The following SUSD6 variants were observed in gnomAD, a reference collection of about 807,000 sequenced individuals.
The protein encoded by SUSD6 is sushi domain containing 6, also known as sushi domain-containing protein 6.
In SUSD6, 16 loss-of-function variants were observed where a neutral mutation model predicts 28.4. The ratio of observed to expected loss-of-function variants is 0.56; its 90% CI spans 0.38 to 0.86. The LOEUF (loss-of-function observed/expected upper bound fraction) is 0.86. SUSD6 is among the 40% of genes least tolerant of loss of function. The pLI is 0.00. For synonymous variants in SUSD6, 147 were observed against 159.6 expected, an observed-to-expected ratio of 0.92 and a Z score of 0.59; for missense variants, 341 against 384.2, an observed-to-expected ratio of 0.89 and a Z score of 0.94.
intron 1 of SUSD6, among the ~76,000 whole-genome samples, chr14:69,633,406 C>T (rs918714129): frequency 6.6e-6 from 1 of 152,196 alleles, no homozygotes. Context: ...CCTCTCTTCC[C>T]GACCTTACCC....
At position 69,708,967 on chromosome 14, in the gene SUSD6, T is replaced by C. The variant is rs745326149; in HGVS notation, c.749T>C (p.Val250Ala). The change falls in exon 5 of 6, where the codon GTG becomes GCG. Residue 250 changes from valine (V) to alanine (A), a missense_variant. By Grantham distance (64) the Val-to-Ala change is moderately conservative (BLOSUM62 0). Transcript: ENST00000342745. ...EAWGSRASET[V>A]MVHQATTSSW... ...TGGGGCTCTCGGGCCTCAGAGACTGTGATGGTGCATCAGGCAACCACCTCT... is the reference window on the plus strand; with the variant it reads ...TGGGGCTCTCGGGCCTCAGAGACTGCGATGGTGCATCAGGCAACCACCTCT... The C allele has an allele frequency of 1.9e-6, 3 of 1,614,010 alleles. No homozygotes were observed. The highest frequency in any genetic ancestry group is 2.7e-5 in the African/African-American group (2 of 74,928).
intron 1 of SUSD6, among the ~76,000 whole-genome samples, chr14:69,627,107 A>C (rs1555342785): frequency 2.0e-5 from 3 of 152,240 alleles, no homozygotes; most frequent in Admixed American, 2.0e-4. Flanking sequence ...AAGAATGTTC[A>C]TTGGAAAAGA....
intron 2 of SUSD6, among the ~76,000 whole-genome samples, chr14:69,688,771 A>G (rs1886111903): frequency 6.6e-6 from 1 of 152,136 alleles, no homozygotes; most frequent in East Asian, 1.9e-4. Context: ...GCAGACTTAT[A>G]TGGGCAGCTT....
At chr14:69,643,094 GTT>G (rs892238662) in intron 1 of SUSD6, among the ~76,000 whole-genome samples, 1 of 152,122 alleles carries the variant, frequency 6.6e-6, no homozygotes, top group Non-Finnish European at 1.5e-5. Flanking sequence ...GGCTCACTGC[GTT>G]TTTTCCCCCA....
At chr14:69,680,023 C>T (rs1241369735) in intron 2 of SUSD6, among the ~76,000 whole-genome samples, 1 of 152,164 alleles carries the variant, frequency 6.6e-6, no homozygotes, top group Non-Finnish European at 1.5e-5. Flanking sequence ...AGGGATTTAG[C>T]CACCTTCTTC....
intron 2 of SUSD6, among the ~76,000 whole-genome samples, chr14:69,672,503 A>G (rs1885848121): frequency 6.6e-6 from 1 of 152,138 alleles, no homozygotes; most frequent in Admixed American, 6.5e-5. Context: ...GGAAGCAGAG[A>G]GGGGGCTGGC....
chr14:69,653,747 C>CTTTTTTTTTTTTTTTT (rs3048700), intron 1 of SUSD6, among the ~76,000 whole-genome samples: 2 of 93,244 alleles, frequency 2.1e-5, no homozygotes, highest in African/African-American at 8.2e-5. Context: ...CCTAGTGAAA[C>CTTTTTTTTTTTTTTTT]TTTTTTTTTT....
chr14:69,619,546 A>C (rs1221802175), intron 1 of SUSD6, among the ~76,000 whole-genome samples: 2 of 151,818 alleles, frequency 1.3e-5, no homozygotes, highest in African/African-American at 4.8e-5. Flanking sequence ...CAATTGCTCA[A>C]GACCAGTTCA....
chr14:69,700,639 T>A (rs1487706809), intron 2 of SUSD6, among the ~76,000 whole-genome samples: 1 of 152,226 alleles, frequency 6.6e-6, no homozygotes, highest in Non-Finnish European at 1.5e-5. Flanking sequence ...CCTGATGAAG[T>A]GAAGCCCCAT....
At chr14:69,625,890 C>A (rs756189460) in intron 1 of SUSD6, among the ~76,000 whole-genome samples, 7 of 152,194 alleles carry the variant, frequency 4.6e-5, no homozygotes, top group Non-Finnish European at 1.0e-4. Context: ...GTCTGCTCAT[C>A]CTCTCCCGCT....
At chr14:69,698,011 G>A (rs934634099) in intron 2 of SUSD6, among the ~76,000 whole-genome samples, 1 of 152,236 alleles carries the variant, frequency 6.6e-6, no homozygotes, top group African/African-American at 2.4e-5. Context: ...AGTCCATAGA[G>A]TAAAGTGATA....
intron 1 of SUSD6, among the ~76,000 whole-genome samples, chr14:69,618,990 A>C (rs1884997672): frequency 6.6e-6 from 1 of 152,168 alleles, no homozygotes; most frequent in South Asian, 2.1e-4. Context: ...CTACCTCCTC[A>C]TTTTAAAGAA....
chr14:69,682,080 C>G (rs1022650864), intron 2 of SUSD6, among the ~76,000 whole-genome samples: 1 of 152,030 alleles, frequency 6.6e-6, no homozygotes, highest in Non-Finnish European at 1.5e-5. Flanking sequence ...TGCTTTAATC[C>G]TAGCGCTTCG....
intron 1 of SUSD6, among the ~76,000 whole-genome samples, chr14:69,656,701 A>T (rs1885588459): frequency 6.6e-6 from 1 of 152,232 alleles, no homozygotes; most frequent in Non-Finnish European, 1.5e-5. Context: ...AACTCTACGA[A>T]GTTAGTATGG....
intron 2 of SUSD6, among the ~76,000 whole-genome samples, chr14:69,681,860 G>T (rs889089806): frequency 6.6e-6 from 1 of 152,198 alleles, no homozygotes; most frequent in African/African-American, 2.4e-5. Context: ...GGCTAAAGAA[G>T]TGGGGTCTGA....
intron 2 of SUSD6, among the ~76,000 whole-genome samples, chr14:69,662,363 G>A (rs1019380668): frequency 6.6e-6 from 1 of 152,262 alleles, no homozygotes; most frequent in Non-Finnish European, 1.5e-5. Context: ...TCACAGTTTT[G>A]ATCACAGTCT....
intron 1 of SUSD6, among the ~76,000 whole-genome samples, chr14:69,648,447 A>AT (rs1407630894): frequency 6.6e-6 from 1 of 152,156 alleles, no homozygotes; most frequent in Non-Finnish European, 1.5e-5. Context: ...TTCTCTGGTC[A>AT]TTTTTGTCTT....
chr14:69,692,996 A>C (rs1023833997), intron 2 of SUSD6, among the ~76,000 whole-genome samples: 2 of 152,220 alleles, frequency 1.3e-5, no homozygotes, highest in Non-Finnish European at 2.9e-5. Context: ...TGAGGAAAAA[A>C]TAAGCATTCT....
At chr14:69,676,391 T>C (rs77474996) in intron 2 of SUSD6, among the ~76,000 whole-genome samples, 1 of 151,364 alleles carries the variant, frequency 6.6e-6, no homozygotes, top group African/African-American at 2.4e-5. Flanking sequence ...TTTTTTTTTT[T>C]CCTTTTTGAG....
Sources: allele counts gnomAD v4.1 joint callset (sites outside exome capture counted in the v4.1 genomes callset), GRCh38; gene constraint gnomAD v4.1.1; transcripts MANE v1.5; gene names NCBI Gene and HGNC (gene_info 2026-07-23, HGNC 2026-07-21).